TTC28: variants seen among roughly 807,000 people sequenced by gnomAD.
The protein encoded by TTC28 is tetratricopeptide repeat protein 28.
A neutral mutation model predicts 198.0 loss-of-function variants in TTC28; 61 were observed. The observed-to-expected ratio is 0.31, with a 90% confidence interval of 0.25 to 0.38. The LOEUF (loss-of-function observed/expected upper bound fraction) is 0.38, where lower values mean the gene tolerates loss of function less well. TTC28 is among the 10% of genes least tolerant of loss of function. The pLI, the probability that TTC28 is intolerant of heterozygous loss-of-function variation, is 1.00. For synonymous variants in TTC28, 1,171 were observed against 1,297.8 expected, an observed-to-expected ratio of 0.90 and a Z score of 2.10; for missense variants, 2,678 against 3,164.0, an observed-to-expected ratio of 0.85 and a Z score of 3.69.
chr22:28,243,173 A>C (rs1447847636), intron 5 of TTC28, among the ~76,000 whole-genome samples: 1 of 71,494 alleles, frequency 1.4e-5, no homozygotes, highest in Non-Finnish European at 2.9e-5. Flanking sequence ...CCCCCTCTCT[A>C]CAAAAAAAAA....
chr22:28,574,353 T>TTG (rs145439302), intron 2 of TTC28, among the ~76,000 whole-genome samples: 3,622 of 148,702 alleles, frequency 0.024, 103 homozygotes, highest in African/African-American at 0.062. Flanking sequence ...ACTCCACTGT[T>TTG]TGTGTGTGTG....
intron 1 of TTC28, among the ~76,000 whole-genome samples, chr22:28,676,965 G>T (rs928218857): frequency 6.6e-6 from 1 of 151,548 alleles, no homozygotes; most frequent in African/African-American, 2.4e-5. Flanking sequence ...AACCAGCCTG[G>T]ACAACATGGT....
intron 13 of TTC28, among the ~76,000 whole-genome samples, chr22:28,026,789 C>T (rs16985903): frequency 0.031 from 4,779 of 152,346 alleles, 107 homozygotes; most frequent in Non-Finnish European, 0.043. Context: ...GCTCTAGTCA[C>T]TGCTCTCTGG....
intron 2 of TTC28, among the ~76,000 whole-genome samples, chr22:28,498,075 G>GATTAGTATTCCATCTT (rs1244039739): frequency 6.6e-6 from 1 of 151,386 alleles, no homozygotes; most frequent in Non-Finnish European, 1.5e-5. Context: ...ACAGAAGAAT[G>GATTAGTATTCCATCTT]ATTAGTATTC....
At chr22:28,041,422 A>G (rs1479606008) in intron 12 of TTC28, among the ~76,000 whole-genome samples, 1 of 152,202 alleles carries the variant, frequency 6.6e-6, no homozygotes, top group Non-Finnish European at 1.5e-5. Flanking sequence ...CCTCAGAAAT[A>G]ACACCACATA....
intron 5 of TTC28, among the ~76,000 whole-genome samples, chr22:28,275,157 T>A (rs1436743544): frequency 1.3e-5 from 2 of 152,116 alleles, no homozygotes; most frequent in East Asian, 3.8e-4. Flanking sequence ...CAGGACAGAC[T>A]ATTCAGTCCG....
chr22:28,374,323 T>C (rs1318593039), intron 2 of TTC28, among the ~76,000 whole-genome samples: 1 of 152,216 alleles, frequency 6.6e-6, no homozygotes, highest in Non-Finnish European at 1.5e-5. Flanking sequence ...ACAGAAAAAT[T>C]ATGTTTTTCC....
chr22:28,490,574 C>A (rs909387047), intron 2 of TTC28, among the ~76,000 whole-genome samples: 3 of 152,142 alleles, frequency 2.0e-5, no homozygotes, highest in African/African-American at 7.2e-5. Flanking sequence ...GAACTAAAGG[C>A]CACCACACAC....
chr22:28,103,635 A>C (rs1942219996), intron 8 of TTC28, among the ~76,000 whole-genome samples: 1 of 152,210 alleles, frequency 6.6e-6, no homozygotes, highest in Non-Finnish European at 1.5e-5. Flanking sequence ...CAGGCTCTCT[A>C]GTGGACACAT....
chr22:28,145,272 T>C (rs1483897541), intron 6 of TTC28, among the ~76,000 whole-genome samples: 3 of 152,210 alleles, frequency 2.0e-5, no homozygotes, highest in Non-Finnish European at 4.4e-5. Context: ...GTTCCCCTTT[T>C]TTACACATCA....
chr22:28,167,810 G>T (rs1477762113), intron 5 of TTC28, among the ~76,000 whole-genome samples: 1 of 152,172 alleles, frequency 6.6e-6, no homozygotes, highest in African/African-American at 2.4e-5. Context: ...AGTGTTGGAA[G>T]TTCTGGCCAG....
At chr22:28,521,972 A>C (rs1256197904) in intron 2 of TTC28, among the ~76,000 whole-genome samples, 1 of 152,038 alleles carries the variant, frequency 6.6e-6, no homozygotes, top group Non-Finnish European at 1.5e-5. Context: ...TCCACCCAAC[A>C]CTCTGCCTAG....
At chr22:28,065,844 G>A (rs971648486) in intron 12 of TTC28, among the ~76,000 whole-genome samples, 1 of 152,194 alleles carries the variant, frequency 6.6e-6, no homozygotes, top group East Asian at 1.9e-4. Context: ...GGCTTGGACT[G>A]TGCACAGCTA....
chr22:28,107,178 G>A lies in TTC28; in HGVS notation c.2667C>T (p.Ala889=), dbSNP rs1210160606. 6.4e-7 allele frequency: 1 copy of A among 1,551,532 alleles called. No individual in the cohort carries two copies. The highest frequency in any genetic ancestry group is 1.4e-5 in the African/African-American group (1 of 73,022). Residue 889 remains alanine (A), a synonymous_variant, in exon 7 of 23, where the codon GCC becomes GCT. Transcript: ENST00000397906. The stretch of plus-strand genomic sequence containing the variant: ...TGATAGCTTCCTCATAGTCACCCAG[G>A]GCTTCGTAGCAATCCCCCAGGTTGC... ...AYGNLGDCYE[A]LGDYEEAIKY...
At chr22:28,126,940 C>T (rs939544885) in intron 6 of TTC28, among the ~76,000 whole-genome samples, 1 of 152,204 alleles carries the variant, frequency 6.6e-6, no homozygotes, top group Admixed American at 6.5e-5. Flanking sequence ...TTAGCTTGCT[C>T]ATGCTGGCCT....
rs781064625 is a variant in TTC28, at chr22:28,017,018, AGTG to A, written c.4074-2629_4074-2627del. On this transcript the variant is annotated intron_variant, in intron 13 of 22. Transcript: ENST00000397906. ...TCAAAAGAGGAAAATGTCTGGAAGA[AGTG>A]GTGGGCAGACCTGCTGAGCTCGAAT... 2.0e-4 allele frequency among the ~76,000 whole-genome samples: 30 copies of A among 152,212 alleles called. 1 individual carries two copies. Among genetic ancestry groups the A allele is most frequent in the Non-Finnish European group, 4.0e-4 (27 of 68,036 alleles).
intron 2 of TTC28, among the ~76,000 whole-genome samples, chr22:28,535,628 T>C (rs2049250564): frequency 6.6e-6 from 1 of 152,160 alleles, no homozygotes; most frequent in African/African-American, 2.4e-5. Context: ...TCATGTCAAA[T>C]TGTATCCCCA....
intron 1 of TTC28, among the ~76,000 whole-genome samples, chr22:28,651,541 A>G (rs1200924220): frequency 6.6e-6 from 1 of 151,974 alleles, no homozygotes; most frequent in African/African-American, 2.4e-5. Context: ...TCAGCCTCCC[A>G]TGTAACTGGG....
intron 5 of TTC28, among the ~76,000 whole-genome samples, chr22:28,241,773 G>A (rs1345361996): frequency 6.6e-6 from 1 of 152,090 alleles, no homozygotes; most frequent in Non-Finnish European, 1.5e-5. Flanking sequence ...ACTCCCTCAT[G>A]CTTTAGGTAT....
Sources: allele counts gnomAD v4.1 joint callset (sites outside exome capture counted in the v4.1 genomes callset), GRCh38; gene constraint gnomAD v4.1.1; transcripts MANE v1.5; gene names NCBI Gene and HGNC (gene_info 2026-07-23, HGNC 2026-07-21).